Variants in INSR observed in about 807,000 individuals in gnomAD.
INSR encodes the protein insulin receptor.
In INSR, 67 loss-of-function variants were observed where a neutral mutation model predicts 142.6. That is an observed-to-expected ratio of 0.47 (90% confidence interval 0.39 to 0.58). The LOEUF (loss-of-function observed/expected upper bound fraction) is 0.58. Among genes scored for constraint, INSR ranks in the 20% least tolerant of loss-of-function variants. The pLI, the probability that INSR is intolerant of heterozygous loss-of-function variation, is 0.00. For synonymous variants in INSR, 756 were observed against 743.1 expected (o/e 1.02, Z -0.28); for missense variants, 1,248 against 1,833.2 (o/e 0.68, Z 5.83).
chr19:7,183,580 C>G (rs901854721), intron 3 of INSR, among the ~76,000 whole-genome samples: 1 of 152,092 alleles, frequency 6.6e-6, no homozygotes, highest in Non-Finnish European at 1.5e-5. Flanking sequence ...CTGGGCTAAT[C>G]TTGGCACACC....
intron 2 of INSR, among the ~76,000 whole-genome samples, chr19:7,259,277 T>A (rs1042247873): frequency 5.7e-5 from 7 of 123,684 alleles, no homozygotes; most frequent in Non-Finnish European, 1.3e-4. Context: ...AGAGCTTGGA[T>A]TCTGAGCCAG....
At chr19:7,239,380 C>T (rs1205762736) in intron 2 of INSR, among the ~76,000 whole-genome samples, 1 of 149,198 alleles carries the variant, frequency 6.7e-6, no homozygotes, top group Non-Finnish European at 1.5e-5. Flanking sequence ...GATTCCCAGT[C>T]TTACCAGGAA....
chr19:7,279,153 AT>A (rs980971046), intron 1 of INSR, among the ~76,000 whole-genome samples: 2 of 151,724 alleles, frequency 1.3e-5, no homozygotes, highest in African/African-American at 4.8e-5. Context: ...ATAAAATAAA[AT>A]AAAATAAAAT....
At chr19:7,183,131 A>G (rs1974317982) in intron 3 of INSR, among the ~76,000 whole-genome samples, 1 of 152,100 alleles carries the variant, frequency 6.6e-6, no homozygotes. Flanking sequence ...ACCCAGGGAA[A>G]TACAATTTCC....
intron 2 of INSR, among the ~76,000 whole-genome samples, chr19:7,230,805 C>CAAA (rs1491540793): frequency 1.9e-4 from 11 of 58,618 alleles, no homozygotes; most frequent in African/African-American, 4.6e-4. Context: ...GACTCCATCT[C>CAAA]AAAAATAAAA....
chr19:7,269,376 AACACACACACACACACACACACACAC>A (rs60776874), intron 1 of INSR, among the ~76,000 whole-genome samples: 12,102 of 134,784 alleles, frequency 0.09, 689 homozygotes, highest in Non-Finnish European at 0.13. Flanking sequence ...AAGTCGAGAA[AACACACACACACACACACACACACAC>A]ACACACACAC....
rs59770137 is a variant in INSR at position 7,200,859 on chromosome 19, C to CAAAAA, written c.653-16227_653-16223dup. 1.1e-3 allele frequency among the ~76,000 whole-genome samples: 83 copies of CAAAAA among 76,248 alleles called. 1 individual carries two copies. The highest frequency in any genetic ancestry group is 3.1e-3 in the African/African-American group (58 of 18,992). The allele number at this position is 76,248 out of a possible 152,430, so 50.0% of individuals were successfully genotyped here. On this transcript the variant is annotated intron_variant, in intron 2 of 21. Coordinates refer to ENST00000302850, the MANE Select transcript of INSR (RefSeq NM_000208.4). ...TGGGTAACAGAGTGAGACCTTATCT[C>CAAAAA]AAAAAAAAAAAAAAAAAAAAAAGGC...
chr19:7,125,740 A>G lies in INSR; in HGVS notation c.3014-213T>C, dbSNP rs1972631653. Among the ~76,000 whole-genome samples, 1 of 152,198 alleles carries G rather than the reference A, an allele frequency of 6.6e-6. No homozygotes were observed. Among genetic ancestry groups the G allele is most frequent in the Non-Finnish European group, 1.5e-5 (1 of 68,028 alleles). On this transcript the variant is annotated intron_variant, in intron 16 of 21. Coordinates refer to ENST00000302850, the MANE Select transcript of INSR (RefSeq NM_000208.4). This position sits in a 1 kb window ranked among gnomAD's most constrained non-coding sequence, Gnocchi z 4.9. Reference sequence around the variant, plus strand: ...ATGGCAGAGACTCAAGGAAGGAGCCACAACTGGTCCAAGATCCTGGCCAAT... The same window carrying G: ...ATGGCAGAGACTCAAGGAAGGAGCCGCAACTGGTCCAAGATCCTGGCCAAT...
chr19:7,189,488 T>C (rs139021355), intron 2 of INSR, among the ~76,000 whole-genome samples: 1,543 of 152,290 alleles, frequency 0.01, 12 homozygotes, highest in Non-Finnish European at 0.018. Context: ...GCAGGACATA[T>C]GGTGTTGGTT....
At chr19:7,138,349 C>A (rs2144850702) in intron 13 of INSR, among the ~76,000 whole-genome samples, 1 of 152,246 alleles carries the variant, frequency 6.6e-6, no homozygotes, top group African/African-American at 2.4e-5. Context: ...CTACATTACA[C>A]TGAACAAAGG....
At position 7,135,907 on chromosome 19, in the gene INSR, G is replaced by C. The variant is rs1446344723; in HGVS notation, c.2683-3590C>G. 2.7e-5 allele frequency among the ~76,000 whole-genome samples: 4 copies of C among 149,686 alleles called. No individual in the cohort carries two copies. In the South Asian group the frequency reaches 8.4e-4, roughly 31 times the overall value. On this transcript the variant is annotated intron_variant, in intron 13 of 21. Coordinates refer to ENST00000302850, the MANE Select transcript of INSR (RefSeq NM_000208.4). ...CACTTGAACCCAGGAAGCGGAGGTT[G>C]CAGTGAGCCAAGATCGTACCAATGC...
At chr19:7,244,540 A>C (rs1250502274) in intron 2 of INSR, among the ~76,000 whole-genome samples, 6 of 152,092 alleles carry the variant, frequency 3.9e-5, no homozygotes, top group African/African-American at 1.4e-4. Flanking sequence ...CTCAAAAAGA[A>C]AAAAAAAGAT....
rs140567579 is a variant in INSR, at chr19:7,142,724, C to T, written c.2542+92G>A. 5.2e-4 allele frequency: 760 copies of T among 1,465,916 alleles called. 15 individuals carry two copies. In the East Asian group the frequency reaches 0.014, roughly 27 times the overall value. The allele number at this position is 1,465,916 out of a possible 1,614,324, so 90.8% of individuals were successfully genotyped here. ...AAATGAAGGCCAATAAGGTAAAATA[C>T]AGATATGCACTGCTTAGAGGGTGGA... On this transcript the variant is annotated intron_variant, in intron 12 of 21. Coordinates refer to ENST00000302850, the MANE Select transcript of INSR (RefSeq NM_000208.4).
intron 2 of INSR, among the ~76,000 whole-genome samples, chr19:7,233,668 C>CTTTTTTTTTT (rs35763064): frequency 1.2e-4 from 9 of 72,402 alleles, no homozygotes; most frequent in Non-Finnish European, 1.7e-4. Flanking sequence ...CTTTTTCTGT[C>CTTTTTTTTTT]TTTTTTTTTT....
At chr19:7,181,375 A>G (rs1244408968) in intron 3 of INSR, among the ~76,000 whole-genome samples, 3 of 152,160 alleles carry the variant, frequency 2.0e-5, no homozygotes, top group African/African-American at 7.2e-5. Context: ...ACCTCAGCTT[A>G]ATAGGAAGAA....
chr19:7,158,807 C>G (rs550849278), intron 9 of INSR, among the ~76,000 whole-genome samples: 2 of 152,168 alleles, frequency 1.3e-5, no homozygotes, highest in Admixed American at 1.3e-4. Flanking sequence ...GTGATATTAA[C>G]AGGAAGGGTT....
At chr19:7,220,287 T>C (rs924994742) in intron 2 of INSR, among the ~76,000 whole-genome samples, 1 of 152,086 alleles carries the variant, frequency 6.6e-6, no homozygotes, top group African/African-American at 2.4e-5. Flanking sequence ...TGAATCCTAT[T>C]TTTTTGTTTT....
At chr19:7,151,172 C>CT (rs1383564473) in intron 10 of INSR, among the ~76,000 whole-genome samples, 189 of 7,270 alleles carry the variant, frequency 0.026, 2 homozygotes, top group Admixed American at 0.041. Flanking sequence ...CTCTTTCTTT[C>CT]TTTCTTTCTT....
At chr19:7,212,429 G>C (rs1975303979) in intron 2 of INSR, among the ~76,000 whole-genome samples, 1 of 152,152 alleles carries the variant, frequency 6.6e-6, no homozygotes, top group Admixed American at 6.6e-5. Context: ...GACACATGTT[G>C]AATCGAATGC....
Sources: allele counts gnomAD v4.1 joint callset (sites outside exome capture counted in the v4.1 genomes callset), GRCh38; gene constraint gnomAD v4.1.1; non-coding constraint Gnocchi (gnomAD v3.1); transcripts MANE v1.5; gene names NCBI Gene and HGNC (gene_info 2026-07-23, HGNC 2026-07-21).